Variants in R3HDM2 observed in about 807,000 individuals in gnomAD.
R3HDM2 encodes the protein R3H domain containing 2.
Under a neutral mutation model 124.5 loss-of-function variants are expected in R3HDM2, and 38 were observed. That is an observed-to-expected ratio of 0.31 (90% confidence interval 0.24 to 0.40). The LOEUF (loss-of-function observed/expected upper bound fraction) is 0.40. R3HDM2 is among the 10% of genes least tolerant of loss of function. The pLI is 1.00. For missense variants in R3HDM2, 869 were observed against 1,236.9 expected, an observed-to-expected ratio of 0.70 and a Z score of 4.46; for synonymous variants, 391 against 448.0, an observed-to-expected ratio of 0.87 and a Z score of 1.61.
intron 2 of R3HDM2, among the ~76,000 whole-genome samples, chr12:57,370,604 C>T (rs914500386): frequency 6.6e-6 from 1 of 152,106 alleles, no homozygotes; most frequent in Non-Finnish European, 1.5e-5. Context: ...CGCGCCATTG[C>T]ACTCCAGCCT....
At chr12:57,413,185 T>C (rs1441240408) in intron 1 of R3HDM2, among the ~76,000 whole-genome samples, 1 of 151,830 alleles carries the variant, frequency 6.6e-6, no homozygotes, top group Non-Finnish European at 1.5e-5. Context: ...AGAAAACTTA[T>C]GTCACCACCA....
chr12:57,419,166 C>T (rs1450988369), intron 1 of R3HDM2, among the ~76,000 whole-genome samples: 2 of 137,300 alleles, frequency 1.5e-5, no homozygotes, highest in Admixed American at 7.6e-5. Flanking sequence ...TTTTTTGATA[C>T]GGATTCTTGC....
intron 2 of R3HDM2, among the ~76,000 whole-genome samples, chr12:57,330,255 C>T (rs1341233460): frequency 2.0e-5 from 3 of 151,754 alleles, no homozygotes; most frequent in Non-Finnish European, 2.9e-5. Context: ...TGTGAACCAC[C>T]GTGCCTGGCC....
chr12:57,254,255 C>T lies in R3HDM2; in HGVS notation c.*518G>A. The T allele has an allele frequency of 2.2e-6, 1 of 453,992 alleles. No homozygotes were observed. The highest frequency in any genetic ancestry group is 1.6e-5 in the South Asian group (1 of 64,254). 28.1% of individuals were successfully genotyped at this position (453,992 alleles called of 1,614,324 possible). A position where few individuals can be genotyped will look rare whatever the true frequency, so the allele number is the denominator to read the frequency against. On this transcript the variant is annotated 3_prime_UTR_variant, in exon 24 of 24. Coordinates refer to ENST00000402412, the MANE Select transcript of R3HDM2 (RefSeq NM_001394031.1). The stretch of plus-strand genomic sequence containing the variant: ...GTGGCTCACGCCTGTAATCCCAGCA[C>T]TCTGGAAGGCCAAGGCAGGTGGATC...
At chr12:57,422,189 A>T (rs978847787) in intron 1 of R3HDM2, among the ~76,000 whole-genome samples, 2 of 151,104 alleles carry the variant, frequency 1.3e-5, no homozygotes, top group Admixed American at 6.6e-5. Context: ...GATTATTGTG[A>T]TCCTCCCTAA....
At chr12:57,330,856 G>A (rs534312794) in intron 2 of R3HDM2, among the ~76,000 whole-genome samples, 78 of 151,562 alleles carry the variant, frequency 5.1e-4, no homozygotes, top group African/African-American at 1.0e-3. Context: ...CCGCCACCAC[G>A]CCCTGCTAAT....
At chr12:57,309,583 C>T (rs1249712945) in intron 3 of R3HDM2, among the ~76,000 whole-genome samples, 1 of 152,214 alleles carries the variant, frequency 6.6e-6, no homozygotes, top group Non-Finnish European at 1.5e-5. Flanking sequence ...AAAATGCTGA[C>T]TGCTTTAACA....
At chr12:57,410,376 A>C (rs1196318484) in intron 1 of R3HDM2, among the ~76,000 whole-genome samples, 1 of 151,782 alleles carries the variant, frequency 6.6e-6, no homozygotes, top group Non-Finnish European at 1.5e-5. Context: ...ACATACATGG[A>C]ATTACTAAGG....
At chr12:57,422,912 A>C (rs1218779157) in intron 1 of R3HDM2, among the ~76,000 whole-genome samples, 2 of 152,200 alleles carry the variant, frequency 1.3e-5, no homozygotes, top group Admixed American at 1.3e-4. Context: ...GACAGCAGTG[A>C]GTCATGATCA....
intron 2 of R3HDM2, among the ~76,000 whole-genome samples, chr12:57,352,050 G>A (rs2060729434): frequency 6.6e-6 from 1 of 152,068 alleles, no homozygotes; most frequent in South Asian, 2.1e-4. Flanking sequence ...CTGAAATGAA[G>A]ATCAATGTAC....
intron 1 of R3HDM2, among the ~76,000 whole-genome samples, chr12:57,427,423 C>T (rs966204820): frequency 6.7e-6 from 1 of 150,256 alleles, no homozygotes; most frequent in Non-Finnish European, 1.5e-5. Flanking sequence ...GATCTCAGCT[C>T]ACTGCAACCT....
chr12:57,423,943 C>T (rs1288742162), intron 1 of R3HDM2, among the ~76,000 whole-genome samples: 1 of 149,746 alleles, frequency 6.7e-6, no homozygotes, highest in African/African-American at 2.5e-5. Flanking sequence ...GGAGAAAACC[C>T]ATCTCTACTA....
intron 2 of R3HDM2, among the ~76,000 whole-genome samples, chr12:57,361,372 T>A (rs550124560): frequency 6.1e-4 from 37 of 60,230 alleles, no homozygotes; most frequent in African/African-American, 1.8e-3. Context: ...CGAAACTCTG[T>A]CTCAAAAAAA....
intron 1 of R3HDM2, among the ~76,000 whole-genome samples, chr12:57,405,096 T>C (rs908475188): frequency 6.6e-5 from 10 of 152,052 alleles, no homozygotes; most frequent in African/African-American, 2.2e-4. Flanking sequence ...GACATGATCA[T>C]AGCTCACTGT....
chr12:57,394,950 C>T, intron 2 of R3HDM2, among the ~76,000 whole-genome samples: 1 of 152,288 alleles, frequency 6.6e-6, no homozygotes, highest in Non-Finnish European at 1.5e-5. Context: ...TGGCTCACGC[C>T]TGTAAACCCA....
chr12:57,288,963 T>C (rs1399723508), intron 12 of R3HDM2, 46 bp downstream of exon 12: 28 of 1,548,024 alleles, frequency 1.8e-5, no homozygotes, highest in Non-Finnish European at 2.4e-5. Context: ...TTAACCTCAC[T>C]GGCAAAGCTC....
chr12:57,331,777 G>C (rs2058231163), intron 2 of R3HDM2, among the ~76,000 whole-genome samples: 1 of 151,964 alleles, frequency 6.6e-6, no homozygotes, highest in Non-Finnish European at 1.5e-5. Flanking sequence ...AGCCGGGCGT[G>C]GTGGCAGGCG....
chr12:57,400,291 G>A (rs769565896), intron 1 of R3HDM2, among the ~76,000 whole-genome samples: 4 of 152,110 alleles, frequency 2.6e-5, no homozygotes, highest in South Asian at 2.1e-4. Context: ...TAAGGACATC[G>A]ATGAAGCTGG....
chr12:57,280,565 G>C, intron 13 of R3HDM2, 35 bp from the exon 14 acceptor site: 1 of 1,554,582 alleles, frequency 6.4e-7, no homozygotes, highest in Middle Eastern at 1.7e-4. Flanking sequence ...AAAGTTGTAA[G>C]CATAAGCCAC....
Sources: allele counts gnomAD v4.1 joint callset (sites outside exome capture counted in the v4.1 genomes callset), GRCh38; gene constraint gnomAD v4.1.1; transcripts MANE v1.5; gene names NCBI Gene and HGNC (gene_info 2026-07-23, HGNC 2026-07-21).